Variants in SLC35B4 observed in about 807,000 individuals in gnomAD.
SLC35B4 encodes the protein solute carrier family 35 member B4.
A neutral mutation model predicts 39.5 loss-of-function variants in SLC35B4; 28 were observed. That is an observed-to-expected ratio of 0.71 (90% CI 0.53 to 0.97). The LOEUF (loss-of-function observed/expected upper bound fraction) is 0.97, where lower values mean the gene tolerates loss of function less well. Ranked by LOEUF, SLC35B4 falls within the 50% of genes least tolerant of loss-of-function variation. The pLI is 0.00. For synonymous variants in SLC35B4, 145 were observed against 150.4 expected (o/e 0.96, Z 0.26); for missense variants, 334 against 414.3 (o/e 0.81, Z 1.68).
chr7:134,300,704 A>G (rs1803561237), intron 6 of SLC35B4, among the ~76,000 whole-genome samples: 1 of 152,208 alleles, frequency 6.6e-6, no homozygotes, highest in African/African-American at 2.4e-5. Context: ...AAATGTTGAT[A>G]TATTTTAGGA....
rs1803292292 is a variant in SLC35B4 at position 134,289,640 on chromosome 7, G to A, written c.*5193C>T. On this transcript the variant is annotated 3_prime_UTR_variant, in exon 10 of 10. Transcript: ENST00000378509. ...TCTAAAATCATCATCTTTTTTTGGAGAATGAGGCCATTCTCTGGAATGAAA... is the reference window on the plus strand; with the variant it reads ...TCTAAAATCATCATCTTTTTTTGGAAAATGAGGCCATTCTCTGGAATGAAA... 6.6e-6 allele frequency: 1 copy of A among 152,488 alleles called. No homozygotes were observed. Among genetic ancestry groups the A allele is most frequent in the Non-Finnish European group, 1.5e-5 (1 of 68,022 alleles). The allele number at this position is 152,488 out of a possible 1,614,324, so 9.4% of individuals were successfully genotyped here.
At chr7:134,317,650 C>T (rs909092641), upstream of SLC35B4, among the ~76,000 whole-genome samples, 7 of 152,220 alleles carry the variant, frequency 4.6e-5, no homozygotes, top group Non-Finnish European at 1.0e-4. Flanking sequence ...CCAATATCAG[C>T]AATCAGATCT....
rs1029899352 is a variant in SLC35B4, at chr7:134,301,817, G to A, written c.431C>T (p.Ser144Phe). ...ATCATTCTCACTCAAGCTGGACTGG[G>A]AAGTCTAGGAAATAAGAAAATAAAC... ...CTFMSAKQVT[S>F]QSSLSENDGF... is the part of the protein sequence containing the mutation. Residue 144 changes from serine (S) to phenylalanine (F), a missense_variant, in exon 6 of 10, where the codon TCC (serine) becomes TTC (phenylalanine). Ser to Phe is a radical substitution (Grantham distance 155). Coordinates refer to ENST00000378509, the MANE Select transcript of SLC35B4 (RefSeq NM_032826.5). 1 of 1,614,044 alleles carries A rather than the reference G, an allele frequency of 6.2e-7. No individual in the cohort carries two copies. Among genetic ancestry groups the A allele is most frequent in the Non-Finnish European group, 8.5e-7 (1 of 1,179,960 alleles).
intron 1 of SLC35B4, among the ~76,000 whole-genome samples, chr7:134,314,567 G>A (rs1803925986): frequency 6.6e-6 from 1 of 151,936 alleles, no homozygotes; most frequent in Admixed American, 6.6e-5. Flanking sequence ...ACGTAGTCTT[G>A]CACTGTTGCC....
rs772100840 is a variant in SLC35B4, at chr7:134,294,968, G to T, written c.861C>A (p.Tyr287Ter). Reference protein sequence around the residue: ...KFVSLIFSILYFQNPFTLWHW... With the variant: ...KFVSLIFSIL ...GCCACAGGGTGAAGGGGTTCTGGAA[G>T]TACAAGATGGAAAAGATGAGGCTCA... is the stretch of plus-strand genomic sequence containing the variant. The change falls in exon 10 of 10, where the codon TAC (tyrosine) becomes TAA (stop). Residue 287 changes from tyrosine to a stop codon, truncating the protein, a stop_gained. Transcript: ENST00000378509. LOFTEE classifies it high-confidence loss of function. 5 of 1,614,218 alleles carry T rather than the reference G, an allele frequency of 3.1e-6. No individual in the cohort carries two copies. The South Asian group carries it at 5.5e-5, about 18-fold the overall frequency.
rs1378185644 is a variant in SLC35B4 at position 134,289,495 on chromosome 7, TCCC to T, written c.*5335_*5337del. On this transcript the variant is annotated 3_prime_UTR_variant, in exon 10 of 10. Coordinates refer to ENST00000378509, the MANE Select transcript of SLC35B4 (RefSeq NM_032826.5). ...GTTCTACGTACTCTCAGCTTTCTACTCCCTCCTCCCCCATCTTTGTTCTTAAAA... is the reference window on the plus strand; with the variant it reads ...GTTCTACGTACTCTCAGCTTTCTACTTCCTCCCCCATCTTTGTTCTTAAAA... The T allele has an allele frequency of 1.3e-5, 2 of 152,630 alleles. No homozygotes were observed. The highest frequency in any genetic ancestry group is 6.5e-5 in the Admixed American group (1 of 15,278). The allele number at this position is 152,630 out of a possible 1,614,324, so 9.5% of individuals were successfully genotyped here. A position where few individuals can be genotyped will look rare whatever the true frequency, so the allele number is the denominator to read the frequency against.
chr7:134,304,931 A>T, intron 3 of SLC35B4, 77 bp from the exon 4 acceptor site: 2 of 1,106,234 alleles, frequency 1.8e-6, no homozygotes, highest in Non-Finnish European at 2.7e-6. Flanking sequence ...GAATAGGAAC[A>T]TGGGCAAGGG....
intron 1 of SLC35B4, among the ~76,000 whole-genome samples, chr7:134,314,089 A>C (rs892877246): frequency 1.3e-5 from 2 of 152,208 alleles, no homozygotes; most frequent in African/African-American, 4.8e-5. Context: ...TTTAAATAGG[A>C]GCTCCTATAA....
chr7:134,292,665 G>T lies in SLC35B4; in HGVS notation c.*2168C>A, dbSNP rs1803358707. On this transcript the variant is annotated 3_prime_UTR_variant, in exon 10 of 10. Coordinates refer to ENST00000378509, the MANE Select transcript of SLC35B4 (RefSeq NM_032826.5). ...CCATAGCAATGAAGTCGCCTCTAGG[G>T]ACAGGTTCTTCTATTAAGTGGTAAG... The T allele has an allele frequency of 3.3e-5, 5 of 152,170 alleles. No homozygotes were observed. Among genetic ancestry groups the T allele is most frequent in the Admixed American group, 2.0e-4 (3 of 15,284 alleles). 9.4% of individuals were successfully genotyped at this position (152,170 alleles called of 1,614,324 possible). A position where few individuals can be genotyped will look rare whatever the true frequency, so the allele number is the denominator to read the frequency against.
At chr7:134,300,103 T>C (rs1803545574) in intron 7 of SLC35B4, 49 bp downstream of exon 7, 2 of 1,313,790 alleles carry the variant, frequency 1.5e-6, no homozygotes, top group Non-Finnish European at 1.1e-6. Flanking sequence ...TGAAGTAACA[T>C]TTTACAACTT....
Position 134,316,913 on chromosome 7 carries a change from A to G in SLC35B4, c.-162T>C, listed in dbSNP as rs1250299719. 1.6e-6 allele frequency: 1 copy of G among 639,012 alleles called. No homozygotes were observed. The highest frequency in any genetic ancestry group is 2.7e-6 in the Non-Finnish European group (1 of 372,928). 39.6% of individuals were successfully genotyped at this position (639,012 alleles called of 1,614,324 possible). A position where few individuals can be genotyped will look rare whatever the true frequency, so the allele number is the denominator to read the frequency against. ...CGCGGTCTCCCCTTCTCCCGCGGCC[A>G]ACACCGACGCTGCCAAGAAGCTGTA... On this transcript the variant is annotated 5_prime_UTR_variant, in exon 1 of 10. Coordinates refer to ENST00000378509, the MANE Select transcript of SLC35B4 (RefSeq NM_032826.5).
intron 6 of SLC35B4, among the ~76,000 whole-genome samples, chr7:134,300,509 A>G (rs1803558189): frequency 6.6e-6 from 1 of 152,160 alleles, no homozygotes; most frequent in African/African-American, 2.4e-5. Flanking sequence ...ATGGAATTTT[A>G]TATCTTGCTT....
intron 1 of SLC35B4, among the ~76,000 whole-genome samples, chr7:134,315,909 T>A (rs1585649312): frequency 6.6e-6 from 1 of 152,172 alleles, no homozygotes; most frequent in East Asian, 1.9e-4. Flanking sequence ...TCTCTTCTGT[T>A]ATAGCTTCTA....
upstream of SLC35B4, among the ~76,000 whole-genome samples, chr7:134,318,919 A>G (rs1804054565): frequency 6.6e-6 from 1 of 152,226 alleles, no homozygotes; most frequent in African/African-American, 2.4e-5. Flanking sequence ...TCTTGTTAAA[A>G]TGCAGATTCT....
At chr7:134,309,603 T>C in intron 1 of SLC35B4, 124 bp from the exon 2 acceptor site, 1 of 672,604 alleles carries the variant, frequency 1.5e-6, no homozygotes, top group South Asian at 1.7e-5. Context: ...CACTGTCCTT[T>C]ATCTCAATGT....
At chr7:134,295,292 AC>A (rs1563213715) in intron 9 of SLC35B4, 1 of 520,392 alleles carries the variant, frequency 1.9e-6, no homozygotes, top group Non-Finnish European at 3.4e-6. Flanking sequence ...CCGCCAAAAA[AC>A]CCCCAATTAT....
rs139738752 is a variant in SLC35B4, at chr7:134,294,601, G to C, written c.*232C>G. 112 of 459,980 alleles carry C rather than the reference G, an allele frequency of 2.4e-4. No homozygotes were observed. The Middle Eastern group carries it at 3.6e-3, about 15-fold the overall frequency. The allele number at this position is 459,980 out of a possible 1,614,324, so 28.5% of individuals were successfully genotyped here. ...TAAACAAAACAGAAATAAATGAATG[G>C]GCTGTTCAATAGTCCAGAACTGTTC... On this transcript the variant is annotated 3_prime_UTR_variant, in exon 10 of 10. Transcript: ENST00000378509.
intron 1 of SLC35B4, among the ~76,000 whole-genome samples, chr7:134,310,932 C>A (rs1434404098): frequency 6.6e-6 from 1 of 152,146 alleles, no homozygotes; most frequent in Non-Finnish European, 1.5e-5. Context: ...TATACTGCTA[C>A]TTACCAGAAA....
intron 8 of SLC35B4, among the ~76,000 whole-genome samples, chr7:134,297,041 C>T (rs539687005): frequency 2.0e-4 from 31 of 152,348 alleles, no homozygotes; most frequent in African/African-American, 7.5e-4. Context: ...GTGCCTCAGC[C>T]TCCCAAGTAG....
Sources: gnomAD v4.1 joint callset for allele counts (sites outside exome capture counted in the v4.1 genomes callset) on GRCh38, gnomAD v4.1.1 for gene constraint, MANE v1.5 for transcripts, NCBI Gene and HGNC (gene_info 2026-07-23, HGNC 2026-07-21) for gene names.